NCAM2: variants seen among roughly 807,000 people sequenced by gnomAD.
NCAM2 encodes the protein N-CAM-2.
A neutral mutation model predicts 98.1 loss-of-function variants in NCAM2; 30 were observed. That is an observed-to-expected ratio of 0.31 (90% CI 0.23 to 0.41). The LOEUF is 0.41. NCAM2 is among the 10% of genes least tolerant of loss of function. The pLI is 1.00. For missense variants in NCAM2, 867 were observed against 1,005.8 expected, an observed-to-expected ratio of 0.86 and a Z score of 1.87; for synonymous variants, 368 against 342.4, an observed-to-expected ratio of 1.07 and a Z score of -0.83.
chr21:21,036,137 G>T (rs189102967), intron 1 of NCAM2, among the ~76,000 whole-genome samples: 1 of 152,204 alleles, frequency 6.6e-6, no homozygotes. Flanking sequence ...ACTTGATTTT[G>T]GGAAGCTTGT....
At position 21,049,656 on chromosome 21, in the gene NCAM2, G is replaced by T. The variant is rs140356307; in HGVS notation, c.55+51038G>T. ...GGAGGCCTAGGTGGGCAGATTACCT[G>T]AGGTCAGGAGTTCAAGACCAGCCTG... On this transcript the variant is annotated intron_variant, in intron 1 of 17. Coordinates refer to ENST00000400546, the MANE Select transcript of NCAM2 (RefSeq NM_004540.5). 7.8e-3 allele frequency among the ~76,000 whole-genome samples: 1,188 copies of T among 152,066 alleles called. 14 individuals are homozygous for T. Among genetic ancestry groups the T allele is most frequent in the African/African-American group, 0.026 (1,079 of 41,480 alleles).
At chr21:21,118,287 G>A (rs2066604361) in intron 1 of NCAM2, among the ~76,000 whole-genome samples, 1 of 152,170 alleles carries the variant, frequency 6.6e-6, no homozygotes, top group Non-Finnish European at 1.5e-5. Flanking sequence ...TATAATACAT[G>A]CCTGTCCTAA....
chr21:21,516,324 T>G (rs1602541153), intron 16 of NCAM2, among the ~76,000 whole-genome samples: 1 of 152,130 alleles, frequency 6.6e-6, no homozygotes, highest in Non-Finnish European at 1.5e-5. Flanking sequence ...AAAAATTAGT[T>G]TGGCAAATAA....
intron 15 of NCAM2, among the ~76,000 whole-genome samples, chr21:21,483,936 CTTGT>C (rs1203021725): frequency 2.6e-5 from 4 of 151,948 alleles, no homozygotes; most frequent in East Asian, 1.9e-4. Context: ...TTGTTGGTAG[CTTGT>C]TTATTATTAA....
rs5842918 is a variant in NCAM2 at position 21,341,708 on chromosome 21, CT to C, written c.1044+3188del. On this transcript the variant is annotated intron_variant, in intron 8 of 17. Coordinates refer to ENST00000400546, the MANE Select transcript of NCAM2 (RefSeq NM_004540.5). ...GAGGAGGGTCTCAATTAACAATATT[CT>C]TTTTTTTTTTTTTGTCTAAGTTCTC... 5.2e-3 allele frequency among the ~76,000 whole-genome samples: 747 copies of C among 142,650 alleles called. 4 individuals are homozygous for C. The highest frequency in any genetic ancestry group is 0.015 in the African/African-American group (575 of 38,902). The allele number at this position is 142,650 out of a possible 152,430, so 93.6% of individuals were successfully genotyped here. A position where few individuals can be genotyped will look rare whatever the true frequency, so the allele number is the denominator to read the frequency against.
chr21:21,181,490 C>T (rs1479730611), intron 1 of NCAM2, among the ~76,000 whole-genome samples: 1 of 152,096 alleles, frequency 6.6e-6, no homozygotes, highest in Non-Finnish European at 1.5e-5. Flanking sequence ...GCATGCTTGT[C>T]GTGTGCGTTG....
At chr21:21,161,107 T>C (rs2067768494) in intron 1 of NCAM2, among the ~76,000 whole-genome samples, 1 of 151,958 alleles carries the variant, frequency 6.6e-6, no homozygotes, top group Admixed American at 6.6e-5. Flanking sequence ...AAGGAATAAA[T>C]TGTCCTGTGA....
At chr21:21,234,978 CT>C (rs2070762003) in intron 1 of NCAM2, among the ~76,000 whole-genome samples, 1 of 151,934 alleles carries the variant, frequency 6.6e-6, no homozygotes, top group South Asian at 2.1e-4. Context: ...GGCATAATGT[CT>C]GCTATAATAT....
At chr21:21,265,457 TAA>T (rs2072220490) in intron 1 of NCAM2, among the ~76,000 whole-genome samples, 1 of 139,490 alleles carries the variant, frequency 7.2e-6, no homozygotes, top group African/African-American at 2.6e-5. Context: ...CACACATATA[TAA>T]TATATGTGTG....
In NCAM2 at chr21:21,273,008, C is replaced by A. The variant is rs567850173; in HGVS notation, c.56-7570C>A. On this transcript the variant is annotated intron_variant, in intron 1 of 17. Coordinates refer to ENST00000400546, the MANE Select transcript of NCAM2 (RefSeq NM_004540.5). ...ATACACACACACACACACACACACACAATCTGTAATTAAAATATAGAAAAG... is the reference window on the plus strand; with the variant it reads ...ATACACACACACACACACACACACAAAATCTGTAATTAAAATATAGAAAAG... 4.8e-4 allele frequency among the ~76,000 whole-genome samples: 60 copies of A among 124,952 alleles called. No individual in the cohort carries two copies. In the South Asian group the frequency reaches 0.015, roughly 32 times the overall value. The allele number at this position is 124,952 out of a possible 152,430, so 82.0% of individuals were successfully genotyped here.
chr21:21,252,653 CA>C (rs2071517929), intron 1 of NCAM2, among the ~76,000 whole-genome samples: 1 of 152,094 alleles, frequency 6.6e-6, no homozygotes, highest in African/African-American at 2.4e-5. Flanking sequence ...AAGCTATTTC[CA>C]CACCCGTACA....
intron 12 of NCAM2, among the ~76,000 whole-genome samples, chr21:21,445,237 A>T (rs1360921124): frequency 6.6e-6 from 1 of 152,082 alleles, no homozygotes; most frequent in Admixed American, 6.6e-5. Context: ...TTTGCTGAAG[A>T]TTGTTTTACT....
At chr21:21,172,739 T>G (rs1253691134) in intron 1 of NCAM2, among the ~76,000 whole-genome samples, 1 of 152,126 alleles carries the variant, frequency 6.6e-6, no homozygotes, top group Non-Finnish European at 1.5e-5. Context: ...ATATGACATT[T>G]AAAATATCTA....
At chr21:21,088,411 C>T (rs2826650) in intron 1 of NCAM2, among the ~76,000 whole-genome samples, 34,844 of 151,762 alleles carry the variant, frequency 0.23, 4,664 homozygotes, top group African/African-American at 0.37. Context: ...TGTATATGGC[C>T]GTAGGTTTTT....
chr21:21,509,125 A>T, intron 16 of NCAM2, 70 bp downstream of exon 16: 1 of 1,443,386 alleles, frequency 6.9e-7, no homozygotes, highest in Non-Finnish European at 9.7e-7. Flanking sequence ...GCTTTACCTG[A>T]GGGCGTTGTA....
intron 1 of NCAM2, among the ~76,000 whole-genome samples, chr21:21,238,450 T>C (rs2070931691): frequency 6.6e-6 from 1 of 152,164 alleles, no homozygotes; most frequent in South Asian, 2.1e-4. Flanking sequence ...AATGAAAATG[T>C]ATATTCTGAA....
At chr21:21,104,400 AT>A (rs914519953) in intron 1 of NCAM2, among the ~76,000 whole-genome samples, 15 of 152,066 alleles carry the variant, frequency 9.9e-5, no homozygotes, top group African/African-American at 2.9e-4. Flanking sequence ...TCTAGTACCT[AT>A]TTTTTTTCTC....
At chr21:21,009,367 T>A (rs2064165834) in intron 1 of NCAM2, among the ~76,000 whole-genome samples, 1 of 152,054 alleles carries the variant, frequency 6.6e-6, no homozygotes, top group African/African-American at 2.4e-5. Context: ...AAAGTCATAG[T>A]TATTATCTAA....
chr21:21,176,194 T>C (rs2146879079), intron 1 of NCAM2, among the ~76,000 whole-genome samples: 1 of 152,308 alleles, frequency 6.6e-6, no homozygotes, highest in South Asian at 2.1e-4. Flanking sequence ...GCTATTTGTA[T>C]TACTGTGTTA....
Sources: allele counts gnomAD v4.1 joint callset (sites outside exome capture counted in the v4.1 genomes callset), GRCh38; gene constraint gnomAD v4.1.1; transcripts MANE v1.5; gene names NCBI Gene and HGNC (gene_info 2026-07-23, HGNC 2026-07-21).